The following SNX29 variants were observed in gnomAD, a reference collection of about 807,000 sequenced individuals.
SNX29 encodes sorting nexin-29.
A neutral mutation model predicts 102.1 loss-of-function variants in SNX29; 78 were observed. The observed-to-expected ratio is 0.76, with a 90% confidence interval of 0.64 to 0.92. SNX29 has a LOEUF of 0.92. Among genes scored for constraint, SNX29 ranks in the 40% least tolerant of loss-of-function variants. The probability of loss-of-function intolerance (pLI) is 0.00; values close to 1 mark genes in which losing one functional copy is unlikely to be tolerated. For synonymous variants in SNX29, 580 were observed against 414.5 expected, an observed-to-expected ratio of 1.40 and a Z score of -4.85; for missense variants, 1,280 against 1,061.7, an observed-to-expected ratio of 1.21 and a Z score of -2.86.
At chr16:12,247,277 G>T (rs2078287020) in intron 14 of SNX29, among the ~76,000 whole-genome samples, 2 of 152,066 alleles carry the variant, frequency 1.3e-5, no homozygotes, top group Admixed American at 1.3e-4. Flanking sequence ...AAGTTCAAAG[G>T]GTATGGGAGA....
chr16:12,125,698 ACTC>A (rs1457478062), intron 11 of SNX29, among the ~76,000 whole-genome samples: 2 of 134,838 alleles, frequency 1.5e-5, no homozygotes, highest in African/African-American at 5.7e-5. Context: ...GCTCAAATGA[ACTC>A]CTACCTTGGT....
intron 19 of SNX29, among the ~76,000 whole-genome samples, chr16:12,488,888 G>A (rs1389214847): frequency 6.6e-6 from 1 of 152,148 alleles, no homozygotes; most frequent in Non-Finnish European, 1.5e-5. Context: ...GGCTGAGTTC[G>A]AGGACCCTAT....
At chr16:12,293,754 T>G (rs762519002) in intron 15 of SNX29, among the ~76,000 whole-genome samples, 3 of 152,234 alleles carry the variant, frequency 2.0e-5, no homozygotes, top group Non-Finnish European at 2.9e-5. Context: ...AAGGATCTTT[T>G]TTATCAATTA....
chr16:12,272,150 A>G (rs372846993), intron 14 of SNX29, among the ~76,000 whole-genome samples: 5 of 152,282 alleles, frequency 3.3e-5, no homozygotes, highest in African/African-American at 4.8e-5. Context: ...TTTAAGGTCA[A>G]AAAGCTTATT....
chr16:12,000,400 A>G (rs984834312), intron 2 of SNX29: 1 of 152,260 alleles, frequency 6.6e-6, no homozygotes, highest in Non-Finnish European at 1.5e-5. Context: ...AGTAAGAGGC[A>G]GAGCTAGGAT....
chr16:12,419,853 C>G (rs771259834), intron 18 of SNX29, among the ~76,000 whole-genome samples: 1 of 152,138 alleles, frequency 6.6e-6, no homozygotes, highest in Non-Finnish European at 1.5e-5. Flanking sequence ...AGCCATAGGT[C>G]GGTGGGAGAA....
intron 18 of SNX29, among the ~76,000 whole-genome samples, chr16:12,426,084 ATT>A (rs530487278): frequency 1.4e-4 from 21 of 147,492 alleles, no homozygotes; most frequent in African/African-American, 3.7e-4. Flanking sequence ...TAGTTATCTT[ATT>A]TTTTTTTTTT....
At chr16:12,495,966 T>G (rs576839426) in intron 19 of SNX29, among the ~76,000 whole-genome samples, 1 of 152,214 alleles carries the variant, frequency 6.6e-6, no homozygotes, top group African/African-American at 2.4e-5. Flanking sequence ...TAGAATCTCA[T>G]GAACTCAGGA....
chr16:12,320,496 G>T lies in SNX29; in HGVS notation c.1783-35667G>T, dbSNP rs148660696. Among the ~76,000 whole-genome samples, 577 of 152,338 alleles carry T rather than the reference G, an allele frequency of 3.8e-3. 4 individuals are homozygous for T. The highest frequency in any genetic ancestry group is 0.013 in the African/African-American group (550 of 41,584). The stretch of plus-strand genomic sequence containing the variant: ...AAGCTGTGGGAAGCAGAGGTCAGAG[G>T]CTGGGAACCGTGACACGTTACTGGT... On this transcript the variant is annotated intron_variant, in intron 15 of 20. Coordinates refer to ENST00000566228, the MANE Select transcript of SNX29 (RefSeq NM_032167.5).
At chr16:12,474,426 A>T (rs1044796569) in intron 18 of SNX29, among the ~76,000 whole-genome samples, 3 of 152,112 alleles carry the variant, frequency 2.0e-5, no homozygotes, top group Admixed American at 6.5e-5. Flanking sequence ...CCTAAACATG[A>T]AACATGCAGG....
At chr16:12,397,178 C>T (rs1047799591) in intron 16 of SNX29, among the ~76,000 whole-genome samples, 5 of 152,236 alleles carry the variant, frequency 3.3e-5, no homozygotes, top group African/African-American at 1.2e-4. Flanking sequence ...CAGGCATGAG[C>T]CGCTTCACCC....
chr16:12,218,650 A>T (rs1462915134), intron 14 of SNX29, among the ~76,000 whole-genome samples: 8 of 152,230 alleles, frequency 5.3e-5, no homozygotes, highest in Non-Finnish European at 1.2e-4. Context: ...TTTCCTCCTG[A>T]TCAAAAGATG....
At chr16:12,395,658 C>G (rs1420926154) in intron 16 of SNX29, among the ~76,000 whole-genome samples, 1 of 152,146 alleles carries the variant, frequency 6.6e-6, no homozygotes, top group Non-Finnish European at 1.5e-5. Context: ...TGAGGGTAAA[C>G]TAAAGAGAAA....
chr16:12,263,702 C>G (rs2078845686), intron 14 of SNX29, among the ~76,000 whole-genome samples: 1 of 152,046 alleles, frequency 6.6e-6, no homozygotes, highest in South Asian at 2.1e-4. Flanking sequence ...TTAAATGTAC[C>G]TTGTTAGTTG....
chr16:12,547,608 C>G (rs551168279), intron 20 of SNX29, among the ~76,000 whole-genome samples: 4 of 152,254 alleles, frequency 2.6e-5, no homozygotes, highest in South Asian at 4.1e-4. Context: ...CGAAGTCAGC[C>G]TCAGCACCAC....
chr16:12,073,802 T>A (rs1378695216), intron 10 of SNX29, among the ~76,000 whole-genome samples: 1 of 152,132 alleles, frequency 6.6e-6, no homozygotes, highest in Admixed American at 6.6e-5. Flanking sequence ...TGTGGGAGTC[T>A]AAGTCTCTTT....
chr16:12,565,192 A>C (rs909861182), intron 20 of SNX29, among the ~76,000 whole-genome samples: 6 of 151,966 alleles, frequency 3.9e-5, no homozygotes, highest in African/African-American at 1.5e-4. Flanking sequence ...CCACCTTCAG[A>C]TTCTGCTATT....
intron 15 of SNX29, among the ~76,000 whole-genome samples, chr16:12,308,945 T>G (rs2080440770): frequency 6.6e-6 from 1 of 152,138 alleles, no homozygotes; most frequent in Non-Finnish European, 1.5e-5. Context: ...GAAATGCAGG[T>G]CACAACCAGC....
chr16:12,491,221 A>G (rs2088529677), intron 19 of SNX29, among the ~76,000 whole-genome samples: 2 of 152,200 alleles, frequency 1.3e-5, no homozygotes, highest in African/African-American at 4.8e-5. Context: ...TCATTGTGGC[A>G]TTAGCATCCT....
Sources: gnomAD v4.1 joint callset for allele counts (sites outside exome capture counted in the v4.1 genomes callset) on GRCh38, gnomAD v4.1.1 for gene constraint, MANE v1.5 for transcripts, NCBI Gene and HGNC (gene_info 2026-07-23, HGNC 2026-07-21) for gene names.